HSD17B12: variants seen among roughly 807,000 people sequenced by gnomAD.
HSD17B12 encodes very-long-chain 3-oxoacyl-CoA reductase.
A neutral mutation model predicts 39.3 loss-of-function variants in HSD17B12; 32 were observed. The ratio of observed to expected loss-of-function variants is 0.81; its 90% CI spans 0.61 to 1.09. HSD17B12 has a LOEUF of 1.09. Ranked by LOEUF, HSD17B12 falls within the 50% of genes least tolerant of loss-of-function variation. HSD17B12 has a pLI of 0.00. For missense variants in HSD17B12, 342 were observed against 382.9 expected, an observed-to-expected ratio of 0.89 and a Z score of 0.89; for synonymous variants, 150 against 146.7, an observed-to-expected ratio of 1.02 and a Z score of -0.16.
At chr11:43,849,766 C>T (rs1320022766) in intron 9 of HSD17B12, among the ~76,000 whole-genome samples, 1 of 152,124 alleles carries the variant, frequency 6.6e-6, no homozygotes, top group Non-Finnish European at 1.5e-5. Flanking sequence ...TGGTCTATAT[C>T]CTCCTACTGA....
At chr11:43,800,717 CA>C (rs1303513022) in intron 4 of HSD17B12, among the ~76,000 whole-genome samples, 7 of 152,284 alleles carry the variant, frequency 4.6e-5, no homozygotes, top group African/African-American at 1.7e-4. Flanking sequence ...AGGCCTCATA[CA>C]CTAATGAACC....
intron 6 of HSD17B12, among the ~76,000 whole-genome samples, chr11:43,818,516 C>T (rs1951151489): frequency 6.6e-6 from 1 of 152,182 alleles, no homozygotes; most frequent in South Asian, 2.1e-4. Flanking sequence ...GCAGAATTCT[C>T]ATGGGCAGTG....
the HSD17B12 span, among the ~76,000 whole-genome samples, chr11:43,655,038 C>G: frequency 6.6e-6 from 1 of 152,320 alleles, no homozygotes; most frequent in African/African-American, 2.4e-5. Context: ...TACCCATGAG[C>G]ATGGAATGTC....
the HSD17B12 span, among the ~76,000 whole-genome samples, chr11:43,558,746 C>T: frequency 1.3e-5 from 2 of 151,304 alleles, no homozygotes; most frequent in Non-Finnish European, 2.9e-5. Flanking sequence ...TTTTCTTTTG[C>T]GCTGGGGGTG....
chr11:43,752,662 C>T (rs572880520), intron 2 of HSD17B12, among the ~76,000 whole-genome samples: 156 of 151,380 alleles, frequency 1.0e-3, no homozygotes, highest in African/African-American at 3.6e-3. Flanking sequence ...TGCAGTGAGC[C>T]GAGATCACAC....
rs1325908726 is a variant in HSD17B12 at position 43,839,983 on chromosome 11, C to T, written c.619-16C>T. 6.8e-6 allele frequency: 11 copies of T among 1,607,102 alleles called. No individual in the cohort carries two copies. The highest frequency in any genetic ancestry group is 1.3e-5 in the African/African-American group (1 of 74,778). ...GTAATGTGTGTGTTTTCTTCTCACT[C>T]CCACTCCCCTCCCAGACTTTTGTAG... On this transcript the variant is annotated splice_polypyrimidine_tract_variant and intron_variant, in intron 8 of 10. Transcript: ENST00000278353.
intron 4 of HSD17B12, among the ~76,000 whole-genome samples, chr11:43,808,367 T>G (rs1257775753): frequency 6.6e-6 from 1 of 152,060 alleles, no homozygotes; most frequent in African/African-American, 2.4e-5. Context: ...TGTAGTTCCA[T>G]TAGGTATGTT....
chr11:43,610,962 A>G, the HSD17B12 span, among the ~76,000 whole-genome samples: 1 of 152,222 alleles, frequency 6.6e-6, no homozygotes, highest in South Asian at 2.1e-4. Flanking sequence ...CTGGCAGACC[A>G]TGAGCACATT....
intron 1 of HSD17B12, among the ~76,000 whole-genome samples, chr11:43,690,393 TATATATATA>T (rs1949848693): frequency 2.2e-4 from 6 of 27,732 alleles, no homozygotes; most frequent in Non-Finnish European, 2.7e-4. Flanking sequence ...TATATATATA[TATATATATA>T]TATTTTTTTT....
At chr11:43,818,216 T>G (rs1951148482) in intron 6 of HSD17B12, among the ~76,000 whole-genome samples, 2 of 152,158 alleles carry the variant, frequency 1.3e-5, no homozygotes, top group Non-Finnish European at 1.5e-5. Flanking sequence ...TTGAGGAACT[T>G]AAATGTTGTG....
chr11:43,688,076 G>A (rs1394186390), intron 1 of HSD17B12, among the ~76,000 whole-genome samples: 1 of 152,126 alleles, frequency 6.6e-6, no homozygotes, highest in East Asian at 1.9e-4. Context: ...GCCAAGTGTG[G>A]TGGTATGCAC....
At chr11:43,715,880 C>T (rs6485449) in intron 1 of HSD17B12, among the ~76,000 whole-genome samples, 143,464 of 152,172 alleles carry the variant, frequency 0.94, 68,205 homozygotes, top group Middle Eastern at 1. Context: ...TTGGACTGCA[C>T]TGATTTTAAG....
chr11:43,648,145 T>G, the HSD17B12 span, among the ~76,000 whole-genome samples: 1 of 152,176 alleles, frequency 6.6e-6, no homozygotes, highest in African/African-American at 2.4e-5. Flanking sequence ...TCCTTTGCCT[T>G]CCTTATTTTT....
rs551613285 is a variant in HSD17B12 at position 43,742,760 on chromosome 11, G to T, written c.161-8151G>T. On this transcript the variant is annotated intron_variant, in intron 1 of 10. Coordinates refer to ENST00000278353, the MANE Select transcript of HSD17B12 (RefSeq NM_016142.3). ...GGATTTCCAGTTTTTTTGTGTGTGT[G>T]TTTTTTTTTTGTGCCCATAAATAAT... Among the ~76,000 whole-genome samples, 1,078 of 144,350 alleles carry T rather than the reference G, an allele frequency of 7.5e-3. 7 individuals carry two copies. The highest frequency in any genetic ancestry group is 0.045 in the East Asian group (219 of 4,920). 94.7% of individuals were successfully genotyped at this position (144,350 alleles called of 152,430 possible).
chr11:43,559,830 C>T, the HSD17B12 span: 1 of 155,900 alleles, frequency 6.4e-6, no homozygotes, highest in Non-Finnish European at 1.5e-5. Context: ...TTATCTTCAT[C>T]ACCTTGGATG....
At chr11:43,574,049 T>C in the HSD17B12 span, among the ~76,000 whole-genome samples, 1 of 152,204 alleles carries the variant, frequency 6.6e-6, no homozygotes. Flanking sequence ...TATGCAATCG[T>C]GAGCTAAAAA....
chr11:43,622,417 A>G, the HSD17B12 span, among the ~76,000 whole-genome samples: 1 of 152,136 alleles, frequency 6.6e-6, no homozygotes, highest in South Asian at 2.1e-4. Context: ...CAATTAAAGC[A>G]AGACCTCCAT....
intron 4 of HSD17B12, among the ~76,000 whole-genome samples, chr11:43,800,391 A>T (rs1334042683): frequency 6.6e-6 from 1 of 152,202 alleles, no homozygotes; most frequent in Non-Finnish European, 1.5e-5. Context: ...AATTCATCAC[A>T]GTTGTGTTTA....
At chr11:43,846,105 T>C (rs1453014865) in intron 9 of HSD17B12, among the ~76,000 whole-genome samples, 1 of 152,186 alleles carries the variant, frequency 6.6e-6, no homozygotes, top group African/African-American at 2.4e-5. Flanking sequence ...AAGGTTTGAG[T>C]TCTGCCTTCA....
Sources: allele counts gnomAD v4.1 joint callset (sites outside exome capture counted in the v4.1 genomes callset), GRCh38; gene constraint gnomAD v4.1.1; transcripts MANE v1.5; gene names NCBI Gene and HGNC (gene_info 2026-07-23, HGNC 2026-07-21).